Variants in MAP3K21 observed in about 807,000 individuals in gnomAD.
MAP3K21 encodes the protein mitogen-activated protein kinase kinase kinase MLK4.
MAP3K21 carries 63 observed loss-of-function variants against 86.1 expected under a neutral mutation model. The observed-to-expected ratio is 0.73, with a 90% confidence interval of 0.60 to 0.90. The LOEUF (loss-of-function observed/expected upper bound fraction) is 0.90. MAP3K21 is among the 40% of genes least tolerant of loss of function. The pLI is 0.00. For missense variants in MAP3K21, 1,220 were observed against 1,367.7 expected, an observed-to-expected ratio of 0.89 and a Z score of 1.70; for synonymous variants, 558 against 564.8, an observed-to-expected ratio of 0.99 and a Z score of 0.17.
intron 1 of MAP3K21, among the ~76,000 whole-genome samples, chr1:233,339,301 T>TTC (rs1662982412): frequency 2.9e-5 from 4 of 139,244 alleles, no homozygotes; most frequent in South Asian, 2.3e-4. Context: ...CCTCTTCTTC[T>TTC]TCCTCTTCTT....
intron 4 of MAP3K21, among the ~76,000 whole-genome samples, chr1:233,360,468 C>A (rs958944789): frequency 6.6e-6 from 1 of 152,082 alleles, no homozygotes; most frequent in Non-Finnish European, 1.5e-5. Context: ...ATTTCTCCTG[C>A]AGTTTTTCTT....
At chr1:233,381,141 G>A (rs1453269925) in intron 9 of MAP3K21, among the ~76,000 whole-genome samples, 4 of 152,216 alleles carry the variant, frequency 2.6e-5, no homozygotes, top group Non-Finnish European at 4.4e-5. Flanking sequence ...TTGTTTGAAT[G>A]TCTTAAAAAG....
At chr1:233,377,059 C>G (rs1054050105) in intron 8 of MAP3K21, among the ~76,000 whole-genome samples, 1 of 151,984 alleles carries the variant, frequency 6.6e-6, no homozygotes, top group Non-Finnish European at 1.5e-5. Context: ...TGTGCCACTG[C>G]ATGCCAGCCT....
intron 1 of MAP3K21, among the ~76,000 whole-genome samples, chr1:233,331,033 C>T (rs1317013850): frequency 6.6e-6 from 1 of 151,682 alleles, no homozygotes; most frequent in Non-Finnish European, 1.5e-5. Flanking sequence ...ATAACATGAC[C>T]CTGGAATAAT....
chr1:233,328,660 C>T lies in MAP3K21; in HGVS notation c.632C>T (p.Ala211Val). 1.5e-6 allele frequency: 2 copies of T among 1,344,620 alleles called. No homozygotes were observed. Among genetic ancestry groups the T allele is most frequent in the Non-Finnish European group, 9.5e-7 (1 of 1,050,414 alleles). The allele number at this position is 1,344,620 out of a possible 1,614,324, so 83.3% of individuals were successfully genotyped here. A position where few individuals can be genotyped will look rare whatever the true frequency, so the allele number is the denominator to read the frequency against. ...EFARGGALNR[A>V]LAAANAAPDP... is the part of the protein sequence containing the mutation. ...GCCCGCGGCGGAGCGCTCAACCGAGCGCTGGCCGCTGCCAACGCCGCCCCG... is the reference window on the plus strand; with the variant it reads ...GCCCGCGGCGGAGCGCTCAACCGAGTGCTGGCCGCTGCCAACGCCGCCCCG... The change falls in exon 1 of 10, where the codon GCG (alanine) becomes GTG (valine). Residue 211 changes from alanine to valine, a missense_variant. By Grantham distance (64) the Ala-to-Val change is moderately conservative. Coordinates refer to ENST00000366624, the MANE Select transcript of MAP3K21 (RefSeq NM_032435.3). This position sits in a 1 kb window ranked among gnomAD's most constrained non-coding sequence, Gnocchi z 8.7.
At chr1:233,355,041 A>T in intron 4 of MAP3K21, 30 bp downstream of exon 4, 1 of 1,514,924 alleles carries the variant, frequency 6.6e-7, no homozygotes, top group Non-Finnish European at 9.1e-7. Context: ...AGCATAATGT[A>T]CTCAAATTTA....
At chr1:233,332,407 A>G (rs1662822652) in intron 1 of MAP3K21, among the ~76,000 whole-genome samples, 1 of 152,048 alleles carries the variant, frequency 6.6e-6, no homozygotes, top group East Asian at 1.9e-4. Flanking sequence ...AGGCAAAGGA[A>G]AGAGGAAGCA....
intron 8 of MAP3K21, among the ~76,000 whole-genome samples, chr1:233,378,334 C>T (rs574215333): frequency 6.6e-6 from 1 of 152,352 alleles, no homozygotes; most frequent in African/African-American, 2.4e-5. Flanking sequence ...GGTCCCCAAA[C>T]TTCAGTAAAG....
At chr1:233,358,473 G>GTTTTTTTTTTTTTT (rs58298146) in intron 4 of MAP3K21, among the ~76,000 whole-genome samples, 1 of 141,596 alleles carries the variant, frequency 7.1e-6, no homozygotes. Flanking sequence ...ACTCTAATTT[G>GTTTTTTTTTTTTTT]TTTTTTTTTT....
chr1:233,379,775 TGG>T, intron 9 of MAP3K21, 65 bp downstream of exon 9: 1 of 1,215,654 alleles, frequency 8.2e-7, no homozygotes, highest in South Asian at 1.4e-5. Flanking sequence ...TGAAACAGTA[TGG>T]ATTTATGATT....
intron 5 of MAP3K21, among the ~76,000 whole-genome samples, chr1:233,364,270 G>A (rs1663525085): frequency 6.6e-6 from 1 of 152,120 alleles, no homozygotes; most frequent in African/African-American, 2.4e-5. Flanking sequence ...CAGCCATAGA[G>A]AATAGACTAT....
chr1:233,367,097 C>T (rs1186801831), intron 5 of MAP3K21, among the ~76,000 whole-genome samples: 2 of 152,030 alleles, frequency 1.3e-5, no homozygotes, highest in Non-Finnish European at 2.9e-5. Flanking sequence ...TTTTTGGACA[C>T]GTTAATACAA....
At chr1:233,357,017 T>A (rs144506953) in intron 4 of MAP3K21, among the ~76,000 whole-genome samples, 9 of 152,344 alleles carry the variant, frequency 5.9e-5, no homozygotes, top group African/African-American at 1.9e-4. Context: ...ACGCCTGTAA[T>A]CCCAGTGCTT....
intron 1 of MAP3K21, among the ~76,000 whole-genome samples, chr1:233,336,540 A>AATAC (rs1027337097): frequency 8.6e-5 from 13 of 151,034 alleles, no homozygotes; most frequent in Non-Finnish European, 1.6e-4. Flanking sequence ...GATGCCGTCA[A>AATAC]ATAAATAAAT....
At chr1:233,345,170 G>T (rs1418507715) in intron 1 of MAP3K21, among the ~76,000 whole-genome samples, 1 of 152,168 alleles carries the variant, frequency 6.6e-6, no homozygotes, top group Non-Finnish European at 1.5e-5. Flanking sequence ...GGAAGACAGT[G>T]TGGCGATTCC....
chr1:233,373,367 A>G (rs1375137953), intron 6 of MAP3K21: 1 of 152,218 alleles, frequency 6.6e-6, no homozygotes, highest in Non-Finnish European at 1.5e-5. Context: ...CTCTGGGGAA[A>G]ACCACCTCAC....
intron 9 of MAP3K21, among the ~76,000 whole-genome samples, chr1:233,381,592 T>C (rs2102770104): frequency 6.6e-6 from 1 of 152,354 alleles, no homozygotes; most frequent in South Asian, 2.1e-4. Context: ...ATTTTCTATA[T>C]TATTGTTCAT....
chr1:233,357,850 T>A (rs1452911106), intron 4 of MAP3K21, among the ~76,000 whole-genome samples: 1 of 152,214 alleles, frequency 6.6e-6, no homozygotes, highest in Non-Finnish European at 1.5e-5. Context: ...GGGATGGCAA[T>A]CTGGTCTCCA....
At chr1:233,371,873 A>G (rs1357781759) in intron 5 of MAP3K21, among the ~76,000 whole-genome samples, 165 bp from the exon 6 acceptor site, 1 of 151,838 alleles carries the variant, frequency 6.6e-6, no homozygotes, top group East Asian at 1.9e-4. Flanking sequence ...TTATTTATTG[A>G]CCTGAACCCC....
Sources: allele counts gnomAD v4.1 joint callset (sites outside exome capture counted in the v4.1 genomes callset), GRCh38; gene constraint gnomAD v4.1.1; non-coding constraint Gnocchi (gnomAD v3.1); transcripts MANE v1.5; gene names NCBI Gene and HGNC (gene_info 2026-07-23, HGNC 2026-07-21).